The following CAST variants were observed in gnomAD, a reference collection of about 807,000 sequenced individuals.
The protein encoded by CAST is calpastatin, also known as MIR583 host.
Under a neutral mutation model 119.6 loss-of-function variants are expected in CAST, and 76 were observed. That is an observed-to-expected ratio of 0.64 (90% confidence interval 0.53 to 0.77). The LOEUF is 0.77. Ranked by LOEUF, CAST falls within the 30% of genes least tolerant of loss-of-function variation. The pLI is 0.00. For missense variants in CAST, 953 were observed against 946.5 expected, an observed-to-expected ratio of 1.01 and a Z score of -0.09; for synonymous variants, 319 against 331.6, an observed-to-expected ratio of 0.96 and a Z score of 0.41.
At chr5:96,069,896 A>T in the CAST span, among the ~76,000 whole-genome samples, 1 of 152,056 alleles carries the variant, frequency 6.6e-6, no homozygotes, top group South Asian at 2.1e-4. Context: ...TCACACCTGT[A>T]ATCTCAGCAC....
chr5:96,677,670 G>C (rs1006711067), intron 2 of CAST, among the ~76,000 whole-genome samples: 1 of 152,188 alleles, frequency 6.6e-6, no homozygotes, highest in African/African-American at 2.4e-5. Context: ...GCCAGAGCCT[G>C]GACATACCAG....
the CAST span, among the ~76,000 whole-genome samples, chr5:96,237,248 C>A: frequency 9.9e-5 from 15 of 152,132 alleles, no homozygotes; most frequent in Admixed American, 9.2e-4. Flanking sequence ...AGAAGTATGG[C>A]CTGAGAGGAG....
chr5:96,105,602 A>C, the CAST span, among the ~76,000 whole-genome samples: 17 of 152,156 alleles, frequency 1.1e-4, no homozygotes, highest in Non-Finnish European at 2.2e-4. Context: ...ATCATGGTGG[A>C]TAAGCTTTTT....
At chr5:96,676,768 G>C (rs1034845162) in intron 2 of CAST, among the ~76,000 whole-genome samples, 14 of 151,340 alleles carry the variant, frequency 9.3e-5, no homozygotes, top group Non-Finnish European at 1.3e-4. Flanking sequence ...AGTCTACCTA[G>C]TGTCAGCCAG....
At chr5:96,003,383 G>GA in the CAST span, among the ~76,000 whole-genome samples, 1 of 151,566 alleles carries the variant, frequency 6.6e-6, no homozygotes, top group African/African-American at 2.4e-5. Flanking sequence ...CTAAAAATAT[G>GA]AAAAATTAGC....
chr5:96,216,286 A>G, the CAST span, among the ~76,000 whole-genome samples: 44 of 152,318 alleles, frequency 2.9e-4, 1 homozygote, highest in East Asian at 6.7e-3. Flanking sequence ...TGGATTTTCA[A>G]CTGCAAAGAG....
intron 1 of CAST, among the ~76,000 whole-genome samples, chr5:96,577,183 C>G (rs1194420479): frequency 1.3e-5 from 2 of 151,992 alleles, no homozygotes; most frequent in Non-Finnish European, 2.9e-5. Context: ...GATTTATATT[C>G]TAAGTTGTTA....
chr5:96,700,266 TAG>T (rs2150313993), intron 3 of CAST, among the ~76,000 whole-genome samples: 1 of 152,338 alleles, frequency 6.6e-6, no homozygotes, highest in East Asian at 1.9e-4. Context: ...AAAAGTAAAC[TAG>T]CACATCAACT....
At chr5:96,147,077 C>T in the CAST span, among the ~76,000 whole-genome samples, 1 of 152,128 alleles carries the variant, frequency 6.6e-6, no homozygotes, top group Non-Finnish European at 1.5e-5. Flanking sequence ...ACTTTAGTGC[C>T]CCATGTTCTG....
chr5:96,664,565 G>A (rs7733671), intron 1 of CAST, among the ~76,000 whole-genome samples: 51,291 of 151,974 alleles, frequency 0.34, 11,224 homozygotes, highest in African/African-American at 0.62. Flanking sequence ...TGGGCCTACA[G>A]GTGCTTTTTA....
At chr5:95,998,575 C>A in the CAST span, among the ~76,000 whole-genome samples, 1 of 152,116 alleles carries the variant, frequency 6.6e-6, no homozygotes, top group Non-Finnish European at 1.5e-5. Context: ...TCCATGTTGT[C>A]ACAAATGACA....
intron 3 of CAST, among the ~76,000 whole-genome samples, chr5:96,708,356 G>C (rs42442): frequency 0.96 from 146,921 of 152,334 alleles, 70,886 homozygotes; most frequent in East Asian, 1. Context: ...GATCTATCTT[G>C]CAGTCGCTTA....
the CAST span, among the ~76,000 whole-genome samples, chr5:96,317,364 C>A: frequency 3.1e-4 from 45 of 144,828 alleles, no homozygotes; most frequent in South Asian, 6.6e-4. Flanking sequence ...GTAGTCCCAA[C>A]TACTAGGGAG....
At chr5:96,645,906 C>A (rs1210385763) in intron 1 of CAST, among the ~76,000 whole-genome samples, 1 of 151,234 alleles carries the variant, frequency 6.6e-6, no homozygotes, top group Non-Finnish European at 1.5e-5. Context: ...ATTTAAAAAT[C>A]TATAAAGACA....
At chr5:96,315,756 C>T in the CAST span, among the ~76,000 whole-genome samples, 2 of 152,150 alleles carry the variant, frequency 1.3e-5, no homozygotes, top group South Asian at 4.1e-4. Flanking sequence ...AGCCCAGGCC[C>T]TAAATATCTG....
At chr5:96,045,512 C>G in the CAST span, among the ~76,000 whole-genome samples, 1 of 152,008 alleles carries the variant, frequency 6.6e-6, no homozygotes, top group Admixed American at 6.6e-5. Flanking sequence ...ATATTCAGTG[C>G]TATTGCTAGG....
chr5:96,373,167 A>G, the CAST span, among the ~76,000 whole-genome samples: 703 of 152,304 alleles, frequency 4.6e-3, 5 homozygotes, highest in African/African-American at 0.011. Context: ...ATTACATTAC[A>G]TGCCTTTTTT....
chr5:96,411,057 C>T, the CAST span: 1 of 1,055,316 alleles, frequency 9.5e-7, no homozygotes, highest in East Asian at 2.4e-5. Context: ...CCAATAAAAT[C>T]CCCAACGACT....
chr5:96,523,420 T>G (rs1010909098), upstream of CAST, among the ~76,000 whole-genome samples: 2 of 152,168 alleles, frequency 1.3e-5, no homozygotes, highest in Non-Finnish European at 2.9e-5. Context: ...AGAGTCAAGT[T>G]TTGGAAATAA....
Sources: allele counts gnomAD v4.1 joint callset (sites outside exome capture counted in the v4.1 genomes callset), GRCh38; gene constraint gnomAD v4.1.1; transcripts MANE v1.5; gene names NCBI Gene and HGNC (gene_info 2026-07-23, HGNC 2026-07-21).